The following BNIP3L variants were observed in gnomAD, a reference collection of about 807,000 sequenced individuals.
BNIP3L encodes the protein BCL2 interacting protein 3 like.
In BNIP3L, 10 loss-of-function variants were observed where a neutral mutation model predicts 25.5. The ratio of observed to expected loss-of-function variants is 0.39; its 90% CI spans 0.24 to 0.67. The LOEUF (loss-of-function observed/expected upper bound fraction) is 0.67, where lower values mean the gene tolerates loss of function less well. Among genes scored for constraint, BNIP3L ranks in the 30% least tolerant of loss-of-function variants. The probability of loss-of-function intolerance (pLI) is 0.45; values close to 1 mark genes in which losing one functional copy is unlikely to be tolerated. For missense variants in BNIP3L, 215 were observed against 270.9 expected, an observed-to-expected ratio of 0.79 and a Z score of 1.45; for synonymous variants, 113 against 101.2, an observed-to-expected ratio of 1.12 and a Z score of -0.70.
intron 2 of BNIP3L, among the ~76,000 whole-genome samples, chr8:26,393,229 G>A (rs567449661): frequency 6.6e-6 from 1 of 151,714 alleles, no homozygotes; most frequent in East Asian, 1.9e-4. Flanking sequence ...AGGGGGAAAT[G>A]TTTTAGGGTT....
At chr8:26,390,768 T>TA (rs1806089343) in intron 1 of BNIP3L, among the ~76,000 whole-genome samples, 1 of 152,216 alleles carries the variant, frequency 6.6e-6, no homozygotes, top group Non-Finnish European at 1.5e-5. Flanking sequence ...GTTGCTAACT[T>TA]ACTTAGATGA....
At chr8:26,393,349 C>A (rs1477009738) in intron 2 of BNIP3L, among the ~76,000 whole-genome samples, 1 of 148,066 alleles carries the variant, frequency 6.8e-6, no homozygotes, top group Non-Finnish European at 1.5e-5. Flanking sequence ...CCAGTGTGTT[C>A]TGCTTTGCCT....
chr8:26,393,615 T>C (rs947834616), intron 2 of BNIP3L, among the ~76,000 whole-genome samples: 1 of 151,934 alleles, frequency 6.6e-6, no homozygotes, highest in Non-Finnish European at 1.5e-5. Flanking sequence ...AAGAAGCATA[T>C]AGAAGCAGAG....
At chr8:26,391,021 T>G (rs1806095359) in intron 1 of BNIP3L, among the ~76,000 whole-genome samples, 1 of 152,204 alleles carries the variant, frequency 6.6e-6, no homozygotes, top group Admixed American at 6.5e-5. Flanking sequence ...CTGAGATGTT[T>G]TAGAGTTTGA....
At chr8:26,393,962 C>T (rs948297967) in intron 2 of BNIP3L, among the ~76,000 whole-genome samples, 3 of 152,204 alleles carry the variant, frequency 2.0e-5, no homozygotes, top group Admixed American at 1.3e-4. Context: ...ATTTCTGAGT[C>T]AGTCTCACCA....
rs182363582 is a variant in BNIP3L at position 26,393,184 on chromosome 8, C to T, written c.284+1758C>T. 1.8e-3 allele frequency among the ~76,000 whole-genome samples: 270 copies of T among 151,714 alleles called. 1 individual carries two copies. Among genetic ancestry groups the T allele is most frequent in the African/African-American group, 6.2e-3 (254 of 41,296 alleles). On this transcript the variant is annotated intron_variant, in intron 2 of 5. Coordinates refer to ENST00000380629, the MANE Select transcript of BNIP3L (RefSeq NM_004331.3). ...ACATCATCTGAATTGCCATGCGTCT[C>T]TATATGTGAAAAGTAATTGGAAAGT... is the stretch of plus-strand genomic sequence containing the variant.
At chr8:26,390,328 A>G (rs767019573) in intron 1 of BNIP3L, 13 of 977,730 alleles carry the variant, frequency 1.3e-5, no homozygotes, top group South Asian at 4.7e-5. Context: ...TTCAAGATGT[A>G]TGCAGAATTA....
At position 26,412,709 on chromosome 8, in the gene BNIP3L, T is replaced by G. The variant is rs1462050456; in HGVS notation, c.*2297T>G. Reference sequence around the variant, plus strand: ...AAACATTGTGGTTTGGAAAGGAGAATTCAACAATTAATAGTTGAAATTGTG... The same window carrying G: ...AAACATTGTGGTTTGGAAAGGAGAAGTCAACAATTAATAGTTGAAATTGTG... On this transcript the variant is annotated 3_prime_UTR_variant, in exon 6 of 6. Transcript: ENST00000380629. 2 of 152,640 alleles carry G rather than the reference T, an allele frequency of 1.3e-5. No homozygotes were observed. Among genetic ancestry groups the G allele is most frequent in the African/African-American group, 4.8e-5 (2 of 41,454 alleles). The allele number at this position is 152,640 out of a possible 1,614,324, so 9.5% of individuals were successfully genotyped here.
intron 1 of BNIP3L, among the ~76,000 whole-genome samples, chr8:26,385,531 A>G (rs1315752556): frequency 6.9e-6 from 1 of 144,574 alleles, no homozygotes; most frequent in African/African-American, 2.6e-5. Context: ...TGAATCCGGG[A>G]GGCAGAGGTT....
chr8:26,395,760 GGTGCGCGCACCGTGCGCGAGCCGAA>G (rs1806221720), intron 3 of BNIP3L: 1 of 170,262 alleles, frequency 5.9e-6, no homozygotes, highest in East Asian at 1.8e-4. Flanking sequence ...CAGGCCAGTG[GGTGCGCGCACCGTGCGCGAGCCGAA>G]GCAGGGCGAG....
intron 1 of BNIP3L, among the ~76,000 whole-genome samples, chr8:26,384,188 C>G (rs1011050050): frequency 6.6e-6 from 1 of 152,178 alleles, no homozygotes; most frequent in Non-Finnish European, 1.5e-5. Flanking sequence ...TAATTCAACT[C>G]TTGGGAAAGA....
intron 5 of BNIP3L, 85 bp from the exon 6 acceptor site, chr8:26,410,279 G>C: frequency 6.8e-7 from 1 of 1,477,088 alleles, no homozygotes; most frequent in Non-Finnish European, 9.4e-7. Flanking sequence ...AAAGACTGAA[G>C]AGTTTTAAGT....
chr8:26,387,670 T>C (rs1806020938), intron 1 of BNIP3L, among the ~76,000 whole-genome samples: 1 of 152,234 alleles, frequency 6.6e-6, no homozygotes, highest in African/African-American at 2.4e-5. Flanking sequence ...ATATGTAGCC[T>C]CTTAATGCCT....
intron 1 of BNIP3L, 88 bp downstream of exon 1, chr8:26,383,318 G>A (rs1805898902): frequency 6.6e-7 from 1 of 1,526,528 alleles, no homozygotes; most frequent in African/African-American, 1.4e-5. Context: ...GGAGGCGGGA[G>A]GAGAAGGCAG....
intron 1 of BNIP3L, among the ~76,000 whole-genome samples, chr8:26,388,644 G>T (rs187132042): frequency 3.3e-4 from 50 of 152,182 alleles, no homozygotes; most frequent in African/African-American, 1.1e-3. Flanking sequence ...GAAGAAAATA[G>T]GATCCAGACA....
At chr8:26,392,983 T>G (rs1191641968) in intron 2 of BNIP3L, among the ~76,000 whole-genome samples, 1 of 152,022 alleles carries the variant, frequency 6.6e-6, no homozygotes, top group Non-Finnish European at 1.5e-5. Context: ...TGATCATGTT[T>G]AAGTTTAGGT....
At chr8:26,389,037 C>G (rs1806050831) in intron 1 of BNIP3L, among the ~76,000 whole-genome samples, 2 of 152,014 alleles carry the variant, frequency 1.3e-5, no homozygotes, top group Non-Finnish European at 2.9e-5. Context: ...TTTGTTACAC[C>G]CTTTTTTCTC....
At chr8:26,407,169 C>A (rs1806519127) in intron 3 of BNIP3L, among the ~76,000 whole-genome samples, 1 of 150,836 alleles carries the variant, frequency 6.6e-6, no homozygotes, top group Non-Finnish European at 1.5e-5. Flanking sequence ...CCATGCCCGG[C>A]TAATTTTTTT....
At chr8:26,392,387 C>T (rs1217714941) in intron 2 of BNIP3L, among the ~76,000 whole-genome samples, 1 of 151,860 alleles carries the variant, frequency 6.6e-6, no homozygotes, top group Non-Finnish European at 1.5e-5. Context: ...GGATATGTTT[C>T]TTCTTAACAT....
Sources: gnomAD v4.1 joint callset for allele counts (sites outside exome capture counted in the v4.1 genomes callset) on GRCh38, gnomAD v4.1.1 for gene constraint, MANE v1.5 for transcripts, NCBI Gene and HGNC (gene_info 2026-07-23, HGNC 2026-07-21) for gene names.